Variants in KIAA1328 observed in about 807,000 individuals in gnomAD.
KIAA1328 encodes the protein protein hinderin.
Under a neutral mutation model 68.1 loss-of-function variants are expected in KIAA1328, and 52 were observed. The ratio of observed to expected loss-of-function variants is 0.76; its 90% CI spans 0.61 to 0.96. The LOEUF is 0.96. Among genes scored for constraint, KIAA1328 ranks in the 40% least tolerant of loss-of-function variants. The probability of loss-of-function intolerance (pLI) is 0.00; values close to 1 mark genes in which losing one functional copy is unlikely to be tolerated. For synonymous variants in KIAA1328, 232 were observed against 239.4 expected (o/e 0.97, Z 0.28); for missense variants, 641 against 677.6 (o/e 0.95, Z 0.60).
intron 5 of KIAA1328, among the ~76,000 whole-genome samples, chr18:36,929,956 G>A (rs2050253780): frequency 6.6e-6 from 1 of 152,136 alleles, no homozygotes; most frequent in African/African-American, 2.4e-5. Context: ...AGTAGTTTCA[G>A]CCTTTGCTTT....
chr18:37,157,782 C>CG lies in KIAA1328; in HGVS notation c.1233-2415dup, dbSNP rs2059184686. On this transcript the variant is annotated intron_variant, in intron 7 of 9. Coordinates refer to ENST00000280020, the MANE Select transcript of KIAA1328 (RefSeq NM_020776.3). The stretch of plus-strand genomic sequence containing the variant: ...AAGACTGCGCCACTGCACTCCAGCC[C>CG]GGGCAACAGAGTGAGACTCCTCTCC... Among the ~76,000 whole-genome samples the CG allele has an allele frequency of 2.4e-5, 3 of 126,654 alleles. No homozygotes were observed. In the Admixed American group the frequency reaches 3.0e-4, roughly 13 times the overall value. The allele number at this position is 126,654 out of a possible 152,430, so 83.1% of individuals were successfully genotyped here.
At chr18:37,012,313 C>A (rs949710977) in intron 6 of KIAA1328, among the ~76,000 whole-genome samples, 9 of 152,260 alleles carry the variant, frequency 5.9e-5, no homozygotes, top group African/African-American at 2.2e-4. Flanking sequence ...GAGGCCAGAT[C>A]GACCAACAAG....
In KIAA1328 at chr18:37,222,289, A is replaced by C. The variant is rs1158567699; in HGVS notation, c.*62A>C. The C allele has an allele frequency of 1.9e-5, 30 of 1,539,058 alleles. No homozygotes were observed. The highest frequency in any genetic ancestry group is 2.6e-5 in the Non-Finnish European group (30 of 1,141,724). On this transcript the variant is annotated 3_prime_UTR_variant, in exon 10 of 10. Coordinates refer to ENST00000280020, the MANE Select transcript of KIAA1328 (RefSeq NM_020776.3). ...CCTCACATACTGATCTAGGATTTTA[A>C]ATTATTTCATTGCAAAGTAATTGTG...
chr18:36,852,623 C>T (rs910977152), intron 4 of KIAA1328, among the ~76,000 whole-genome samples: 2 of 152,172 alleles, frequency 1.3e-5, no homozygotes, highest in African/African-American at 2.4e-5. Context: ...TGTGGAAGCT[C>T]AGGGGCTACC....
rs1482187937 is a variant in KIAA1328, at chr18:36,944,418, AAC to A, written c.449-14886_449-14885del. Among the ~76,000 whole-genome samples the A allele has an allele frequency of 2.0e-5, 3 of 152,102 alleles. No individual in the cohort carries two copies. In the South Asian group the frequency reaches 6.2e-4, roughly 32 times the overall value. The stretch of plus-strand genomic sequence containing the variant: ...ACGGTGAAACCCCATCTCTACTAAA[AAC>A]ACAAAAATATTAGCCAGGCATGGTG... On this transcript the variant is annotated intron_variant, in intron 5 of 9. Transcript: ENST00000280020.
At chr18:37,026,672 A>G (rs962259973) in intron 6 of KIAA1328, among the ~76,000 whole-genome samples, 1 of 152,228 alleles carries the variant, frequency 6.6e-6, no homozygotes, top group Admixed American at 6.5e-5. Flanking sequence ...AAAATTCAAC[A>G]GCCCTTCATG....
intron 5 of KIAA1328, among the ~76,000 whole-genome samples, chr18:36,924,455 C>T: frequency 6.6e-6 from 1 of 152,050 alleles, no homozygotes; most frequent in South Asian, 2.1e-4. Context: ...ATCTGAATGA[C>T]CCTGATTTCT....
intron 7 of KIAA1328, among the ~76,000 whole-genome samples, chr18:37,153,272 A>G (rs890750128): frequency 6.6e-6 from 1 of 151,340 alleles, no homozygotes; most frequent in Non-Finnish European, 1.5e-5. Context: ...CACCTATTAA[A>G]CCCCCACTCT....
chr18:37,202,401 A>C (rs1336148779), intron 9 of KIAA1328, among the ~76,000 whole-genome samples: 4 of 152,162 alleles, frequency 2.6e-5, no homozygotes, highest in African/African-American at 9.6e-5. Flanking sequence ...AGAGTTCTGA[A>C]GGGTTTTACC....
intron 8 of KIAA1328, among the ~76,000 whole-genome samples, chr18:37,165,932 T>C (rs2059380694): frequency 6.6e-6 from 1 of 152,070 alleles, no homozygotes; most frequent in African/African-American, 2.4e-5. Context: ...TAAAGGGGTG[T>C]TGAATTTCAT....
Position 37,118,008 on chromosome 18 carries a change from C to CTT in KIAA1328, c.1233-42180_1233-42179dup, listed in dbSNP as rs112710292. ...ACTGGTATGTATAATTGCTTTCTTT[C>CTT]TTTTTTTTTTTTTGAGACACATTCT... is the stretch of plus-strand genomic sequence containing the variant. On this transcript the variant is annotated intron_variant, in intron 7 of 9. Coordinates refer to ENST00000280020, the MANE Select transcript of KIAA1328 (RefSeq NM_020776.3). 2.6e-3 allele frequency among the ~76,000 whole-genome samples: 373 copies of CTT among 141,674 alleles called. 5 individuals are homozygous for CTT. The highest frequency in any genetic ancestry group is 8.7e-3 in the African/African-American group (327 of 37,674). 92.9% of individuals were successfully genotyped at this position (141,674 alleles called of 152,430 possible). A position where few individuals can be genotyped will look rare whatever the true frequency, so the allele number is the denominator to read the frequency against.
At chr18:36,949,667 A>G (rs2051075766) in intron 5 of KIAA1328, among the ~76,000 whole-genome samples, 1 of 135,328 alleles carries the variant, frequency 7.4e-6, no homozygotes, top group African/African-American at 2.8e-5. Context: ...AGATAACTCT[A>G]AAGGAGCTAG....
chr18:36,982,730 T>C (rs558414147), intron 6 of KIAA1328, among the ~76,000 whole-genome samples: 2 of 151,958 alleles, frequency 1.3e-5, no homozygotes, highest in Non-Finnish European at 2.9e-5. Context: ...GGTAAATATA[T>C]AATATTTTTT....
chr18:37,037,219 A>G (rs1391686451), intron 6 of KIAA1328, among the ~76,000 whole-genome samples: 1 of 152,180 alleles, frequency 6.6e-6, no homozygotes, highest in Non-Finnish European at 1.5e-5. Context: ...ATCGACTCTA[A>G]AAGGCCCATC....
intron 7 of KIAA1328, chr18:37,084,426 C>T: frequency 3.1e-6 from 1 of 322,972 alleles, no homozygotes; most frequent in Non-Finnish European, 5.5e-6. Context: ...AATCCTACAA[C>T]TTTGAGAGAA....
chr18:36,997,593 G>A (rs555170381), intron 6 of KIAA1328, among the ~76,000 whole-genome samples: 3 of 152,180 alleles, frequency 2.0e-5, no homozygotes, highest in Non-Finnish European at 4.4e-5. Context: ...TGAGACCAGA[G>A]TGGCTACAGC....
chr18:37,181,602 T>G (rs1415947136), intron 9 of KIAA1328, among the ~76,000 whole-genome samples: 1 of 152,144 alleles, frequency 6.6e-6, no homozygotes, highest in Non-Finnish European at 1.5e-5. Context: ...TAGGCAGAAA[T>G]AATAACGATG....
chr18:37,018,223 A>G (rs2054220394), intron 6 of KIAA1328, among the ~76,000 whole-genome samples: 1 of 152,056 alleles, frequency 6.6e-6, no homozygotes, highest in Non-Finnish European at 1.5e-5. Context: ...GCACAAACTG[A>G]AGTTTGGTGG....
intron 5 of KIAA1328, among the ~76,000 whole-genome samples, chr18:36,893,708 A>G (rs956490097): frequency 6.6e-6 from 1 of 152,138 alleles, no homozygotes; most frequent in African/African-American, 2.4e-5. Flanking sequence ...AGCTCATTGC[A>G]GATTAAAAGC....
Sources: gnomAD v4.1 joint callset for allele counts (sites outside exome capture counted in the v4.1 genomes callset) on GRCh38, gnomAD v4.1.1 for gene constraint, MANE v1.5 for transcripts, NCBI Gene and HGNC (gene_info 2026-07-23, HGNC 2026-07-21) for gene names.